The following PZP variants were observed in gnomAD, a reference collection of about 807,000 sequenced individuals.
PZP encodes the protein pregnancy zone protein.
PZP carries 150 observed loss-of-function variants against 179.8 expected under a neutral mutation model. The ratio of observed to expected loss-of-function variants is 0.83; its 90% confidence interval spans 0.73 to 0.96. PZP has a LOEUF of 0.96. Among genes scored for constraint, PZP ranks in the 40% least tolerant of loss-of-function variants. The pLI is 0.00. For synonymous variants in PZP, 624 were observed against 652.3 expected, an observed-to-expected ratio of 0.96 and a Z score of 0.66; for missense variants, 1,689 against 1,764.0, an observed-to-expected ratio of 0.96 and a Z score of 0.76.
the PZP span, among the ~76,000 whole-genome samples, chr12:9,143,685 G>GC: frequency 6.6e-6 from 1 of 152,070 alleles, no homozygotes; most frequent in African/African-American, 2.4e-5. Flanking sequence ...AAAATCAAAG[G>GC]TGCCATTTTC....
At chr12:9,204,099 C>T in intron 1 of PZP, 148 bp from the exon 2 acceptor site, 1 of 813,258 alleles carries the variant, frequency 1.2e-6, no homozygotes, top group South Asian at 2.0e-5. Context: ...GGTTCTGTCA[C>T]AGATCAGCAC....
Position 9,181,056 on chromosome 12 carries a change from G to T in PZP, c.1766C>A (p.Ser589Tyr). The change falls in exon 15 of 36, where the codon TCC becomes TAC. Residue 589 changes from serine (S) to tyrosine (Y), a missense_variant. By Grantham distance (144) the Ser-to-Tyr change is moderately radical. Coordinates refer to ENST00000261336, the MANE Select transcript of PZP (RefSeq NM_002864.3). ...GTCCACAGCACGAAGGGCACAGAGG[G>T]ACTGCGGAGCAGCTGCTACTTGCAG... ...AHLQVAAAPQ[S>Y]LCALRAVDQS... 3 of 1,614,206 alleles carry T rather than the reference G, an allele frequency of 1.9e-6. No individual in the cohort carries two copies. Among genetic ancestry groups the T allele is most frequent in the Non-Finnish European group, 2.5e-6 (3 of 1,180,020 alleles).
chr12:9,197,244 C>A, intron 7 of PZP, 121 bp from the exon 8 acceptor site: 1 of 645,978 alleles, frequency 1.5e-6, no homozygotes, highest in Admixed American at 3.0e-5. Flanking sequence ...GGGTGCCCAC[C>A]AAGTAGAAAG....
Position 9,197,145 on chromosome 12 carries a change from A to G in PZP, c.756-22T>C, listed in dbSNP as rs1163442303. On this transcript the variant is annotated intron_variant, in intron 7 of 35. Transcript: ENST00000261336. ...GTATCTGGTACATGAGAAATAAATC[A>G]GGAATTGAGAATGGCTGTTTGCATT... is the stretch of plus-strand genomic sequence containing the variant. The G allele has an allele frequency of 2.0e-6, 3 of 1,514,776 alleles. No homozygotes were observed. The South Asian group carries it at 3.4e-5, about 17-fold the overall frequency. The allele number at this position is 1,514,776 out of a possible 1,614,324, so 93.8% of individuals were successfully genotyped here.
At position 9,152,877 on chromosome 12, in the gene PZP, T is replaced by C. The variant is rs10771357; in HGVS notation, c.4068A>G (p.Gln1356=). ...PFALKVQTVP[Q]TCDGHKAHTS... is the part of the protein sequence containing the mutation. ...TGTGGGCTTTGTGTCCATCGCAAGT[T>C]TGGGGCACAGTCTGCACTTTTAAAG... is the stretch of plus-strand genomic sequence containing the variant. Residue 1356 remains glutamine (Q), a synonymous_variant, in exon 31 of 36, where the codon CAA becomes CAG. Transcript: ENST00000261336. The C allele has an allele frequency of 0.62, 1,007,621 of 1,613,506 alleles. 317,553 individuals carry two copies. Among genetic ancestry groups the C allele is most frequent in the East Asian group, 0.9 (40,399 of 44,878 alleles).
Position 9,153,169 on chromosome 12 carries a change from C to G in PZP, c.3949G>C (p.Glu1317Gln). Residue 1317 changes from glutamate to glutamine, a missense_variant, in exon 30 of 36, where the codon GAA (glutamate) becomes CAA (glutamine). This residue lies in a region of PZP where 746 missense variants were observed against 749.2 expected (regional missense o/e 1.00). Coordinates refer to ENST00000261336, the MANE Select transcript of PZP (RefSeq NM_002864.3). ...QQISLPELPG[E>Q]YVITVTGERC... is the part of the protein sequence containing the mutation. ...TCCCCAGTTACTGTTATGACATATT[C>G]TCCAGGGAGCTCTGGCAATGAGATC... 6.2e-7 allele frequency: 1 copy of G among 1,614,214 alleles called. No individual in the cohort carries two copies. Among genetic ancestry groups the G allele is most frequent in the East Asian group, 2.2e-5 (1 of 44,892 alleles).
chr12:9,195,943 G>A (rs573980447), intron 10 of PZP, among the ~76,000 whole-genome samples: 22 of 151,834 alleles, frequency 1.4e-4, no homozygotes, highest in African/African-American at 5.3e-4. Flanking sequence ...ATTTATGTCA[G>A]AAGAGATCAA....
intron 7 of PZP, among the ~76,000 whole-genome samples, chr12:9,197,608 T>C (rs1943872035): frequency 9.8e-6 from 1 of 102,494 alleles, no homozygotes; most frequent in Non-Finnish European, 1.7e-5. Context: ...ATATAATATA[T>C]ATTATATATT....
In PZP at chr12:9,163,759, G is replaced by A. The variant is rs779091715; in HGVS notation, c.2645C>T (p.Ala882Val). 1 of 1,612,866 alleles carries A rather than the reference G, an allele frequency of 6.2e-7. No homozygotes were observed. Among genetic ancestry groups the A allele is most frequent in the South Asian group, 1.1e-5 (1 of 90,794 alleles). Residue 882 changes from alanine (A) to valine (V), a missense_variant, in exon 21 of 36, where the codon GCA (alanine) becomes GTA (valine). Ala to Val is a moderately conservative substitution (Grantham distance 64). Coordinates refer to ENST00000261336, the MANE Select transcript of PZP (RefSeq NM_002864.3). ...TCCACAGAGTTCTAAGGACTGCATTGCCTCTGCACTCACTGAGAAGTTCAC... is the reference window on the plus strand; with the variant it reads ...TCCACAGAGTTCTAAGGACTGCATTACCTCTGCACTCACTGAGAAGTTCAC... ...GNVNFSVSAE[A>V]MQSLELCGNE...
intron 7 of PZP, among the ~76,000 whole-genome samples, chr12:9,200,126 TA>T (rs910641913): frequency 3.2e-4 from 48 of 152,350 alleles, no homozygotes; most frequent in African/African-American, 1.1e-3. Flanking sequence ...CCTAAGATGT[TA>T]AAGCAAAATA....
At chr12:9,149,083 G>A in intron 35 of PZP, 89 bp from the exon 36 acceptor site, 1 of 1,216,584 alleles carries the variant, frequency 8.2e-7, no homozygotes, top group Non-Finnish European at 1.2e-6. Context: ...CTTATGCAGG[G>A]TCAGGAAACT....
chr12:9,145,564 A>G (rs1228079430), downstream of PZP, among the ~76,000 whole-genome samples: 1 of 152,158 alleles, frequency 6.6e-6, no homozygotes. Context: ...TTTTAACTGG[A>G]AGTAAAAGTG....
chr12:9,186,882 G>A (rs1943157404), intron 13 of PZP, among the ~76,000 whole-genome samples: 1 of 151,734 alleles, frequency 6.6e-6, no homozygotes, highest in Non-Finnish European at 1.5e-5. Context: ...GATAGCATTA[G>A]GAGAAATACC....
intron 1 of PZP, 129 bp from the exon 2 acceptor site, chr12:9,204,080 G>C: frequency 1.1e-6 from 1 of 927,184 alleles, no homozygotes; most frequent in Non-Finnish European, 1.6e-6. Context: ...AATGGACTAA[G>C]TCAATGGAGG....
chr12:9,184,752 G>A (rs1942995831), intron 13 of PZP, among the ~76,000 whole-genome samples: 1 of 152,172 alleles, frequency 6.6e-6, no homozygotes, highest in African/African-American at 2.4e-5. Flanking sequence ...CAAAGCTGGA[G>A]CCAGATACCA....
chr12:9,153,403 C>A (rs1940515627), intron 29 of PZP, 60 bp from the exon 30 acceptor site: 1 of 1,441,766 alleles, frequency 6.9e-7, no homozygotes, highest in Non-Finnish European at 9.7e-7. Flanking sequence ...TGGGATTTTC[C>A]CCCAAAGTCT....
At chr12:9,164,676 C>T (rs935144142) in intron 19 of PZP, among the ~76,000 whole-genome samples, 3 of 152,150 alleles carry the variant, frequency 2.0e-5, no homozygotes, top group African/African-American at 7.2e-5. Context: ...GAGAGGCTCC[C>T]GATCTTGAGG....
Position 9,170,866 on chromosome 12 carries a change from G to T in PZP, c.1840-1275C>A, listed in dbSNP as rs748385858. 6.6e-5 allele frequency among the ~76,000 whole-genome samples: 10 copies of T among 152,094 alleles called. No individual in the cohort carries two copies. Among genetic ancestry groups the T allele is most frequent in the South Asian group, 2.1e-4 (1 of 4,824 alleles). The stretch of plus-strand genomic sequence containing the variant: ...GATCTCTCCCTGGGACCGAGCTCCT[G>T]GGGGGCAGGGGTGTCTGCCATCTCT... On this transcript the variant is annotated intron_variant, in intron 15 of 35. Coordinates refer to ENST00000261336, the MANE Select transcript of PZP (RefSeq NM_002864.3). The surrounding 1 kb of genome is among the most constrained non-coding windows in gnomAD (Gnocchi z 4.6).
chr12:9,159,174 C>A (rs1940988729), intron 25 of PZP, among the ~76,000 whole-genome samples: 1 of 151,972 alleles, frequency 6.6e-6, no homozygotes, highest in Admixed American at 6.6e-5. Flanking sequence ...TAGGGCTGAG[C>A]AACAATTTAA....
Sources: allele counts gnomAD v4.1 joint callset (sites outside exome capture counted in the v4.1 genomes callset), GRCh38; gene constraint gnomAD v4.1.1; regional missense constraint gnomAD v4.1.1; non-coding constraint Gnocchi (gnomAD v3.1); transcripts MANE v1.5; gene names NCBI Gene and HGNC (gene_info 2026-07-23, HGNC 2026-07-21).